Variants in EPHB1 observed in about 807,000 individuals in gnomAD.
EPHB1 encodes EPH receptor B1.
Under a neutral mutation model 94.4 loss-of-function variants are expected in EPHB1, and 30 were observed. The observed-to-expected ratio is 0.32, with a 90% CI of 0.24 to 0.43. EPHB1 has a LOEUF of 0.43. EPHB1 is among the 20% of genes least tolerant of loss of function. The pLI is 1.00. For missense variants in EPHB1, 1,055 were observed against 1,308.3 expected, an observed-to-expected ratio of 0.81 and a Z score of 2.99; for synonymous variants, 522 against 489.1, an observed-to-expected ratio of 1.07 and a Z score of -0.89.
chr3:135,025,165 C>CTTT (rs747024011), intron 3 of EPHB1, among the ~76,000 whole-genome samples: 2 of 80,716 alleles, frequency 2.5e-5, no homozygotes, highest in South Asian at 5.5e-4. Flanking sequence ...TTCCTTCTTT[C>CTTT]TTTTTTTTTT....
At chr3:135,233,896 G>A (rs1167665510) in intron 12 of EPHB1, among the ~76,000 whole-genome samples, 1 of 152,204 alleles carries the variant, frequency 6.6e-6, no homozygotes, top group Non-Finnish European at 1.5e-5. Context: ...TTTGGCCATA[G>A]CTGGAGCAGC....
rs1174515437 is a variant in EPHB1, at chr3:134,937,854, T to C, written c.123+11974T>C. 3.3e-5 allele frequency among the ~76,000 whole-genome samples: 5 copies of C among 151,234 alleles called. No individual in the cohort carries two copies. In the East Asian group the frequency reaches 7.8e-4, roughly 24 times the overall value. Reference sequence around the variant, plus strand: ...TCACATGTGTGAGGCACTGCAATAATGGCAGCTGAATACCCTGCCGCCGTT... The same window carrying C: ...TCACATGTGTGAGGCACTGCAATAACGGCAGCTGAATACCCTGCCGCCGTT... On this transcript the variant is annotated intron_variant, in intron 2 of 15. Coordinates refer to ENST00000398015, the MANE Select transcript of EPHB1 (RefSeq NM_004441.5).
intron 5 of EPHB1, among the ~76,000 whole-genome samples, chr3:135,138,461 T>G (rs935498289): frequency 6.6e-6 from 1 of 152,226 alleles, no homozygotes; most frequent in African/African-American, 2.4e-5. Flanking sequence ...GAAAAGGAAT[T>G]TTATGATATT....
At chr3:135,049,483 A>G (rs2107770408) in intron 3 of EPHB1, among the ~76,000 whole-genome samples, 1 of 152,292 alleles carries the variant, frequency 6.6e-6, no homozygotes, top group East Asian at 1.9e-4. Context: ...GAATACCTGC[A>G]CCTGTCCTCT....
chr3:134,952,680 T>C (rs1362568670), intron 3 of EPHB1, among the ~76,000 whole-genome samples: 4 of 152,160 alleles, frequency 2.6e-5, no homozygotes, highest in Non-Finnish European at 4.4e-5. Flanking sequence ...CTGTATCATG[T>C]GTTGTATTAA....
chr3:134,931,813 C>CTGTATATA (rs1375009347), intron 2 of EPHB1, among the ~76,000 whole-genome samples: 23 of 151,736 alleles, frequency 1.5e-4, no homozygotes, highest in African/African-American at 5.3e-4. Context: ...GTATATATGT[C>CTGTATATA]TGTATATATG....
At chr3:135,181,812 T>G (rs889387453) in intron 10 of EPHB1, among the ~76,000 whole-genome samples, 10 of 152,188 alleles carry the variant, frequency 6.6e-5, no homozygotes, top group African/African-American at 2.4e-4. Flanking sequence ...GCCCCATCCT[T>G]CACCTCCATT....
chr3:135,047,478 GCATCGAA>G (rs1257298608), intron 3 of EPHB1, among the ~76,000 whole-genome samples: 1 of 152,168 alleles, frequency 6.6e-6, no homozygotes, highest in African/African-American at 2.4e-5. Context: ...AATTGGAAAA[GCATCGAA>G]CTGCACAGCC....
At chr3:134,858,039 C>T (rs1470375729) in intron 1 of EPHB1, among the ~76,000 whole-genome samples, 1 of 152,108 alleles carries the variant, frequency 6.6e-6, no homozygotes, top group Non-Finnish European at 1.5e-5. Context: ...TAGCAGGCTT[C>T]CCAGAAGCCC....
intron 2 of EPHB1, among the ~76,000 whole-genome samples, chr3:134,940,139 C>T (rs1320548807): frequency 3.3e-5 from 5 of 152,136 alleles, no homozygotes; most frequent in African/African-American, 1.2e-4. Context: ...CCTTTTAGTT[C>T]CTGCATTCTG....
intron 1 of EPHB1, among the ~76,000 whole-genome samples, chr3:134,888,250 G>T (rs1036199704): frequency 2.0e-5 from 3 of 152,082 alleles, no homozygotes; most frequent in Non-Finnish European, 2.9e-5. Flanking sequence ...CATTTTACTG[G>T]AATTGAAACC....
At chr3:135,166,917 A>G (rs774370040) in intron 8 of EPHB1, 25 bp from the exon 9 acceptor site, 49 of 1,613,474 alleles carry the variant, frequency 3.0e-5, no homozygotes, top group Non-Finnish European at 4.1e-5. Context: ...CCTGTGGCTG[A>G]GAGAGCCCCT....
chr3:135,230,563 A>G (rs1943510141), intron 12 of EPHB1, among the ~76,000 whole-genome samples: 1 of 152,206 alleles, frequency 6.6e-6, no homozygotes, highest in Non-Finnish European at 1.5e-5. Context: ...TATTAGCAAG[A>G]TCTAAATTAG....
chr3:135,108,155 C>CT (rs1388400930), intron 4 of EPHB1, among the ~76,000 whole-genome samples: 3 of 152,148 alleles, frequency 2.0e-5, no homozygotes, highest in African/African-American at 7.2e-5. Flanking sequence ...ACCTGGAAGT[C>CT]TGGAGGGGCC....
At chr3:135,089,209 A>G (rs140924067) in intron 3 of EPHB1, among the ~76,000 whole-genome samples, 69 of 152,380 alleles carry the variant, frequency 4.5e-4, no homozygotes, top group African/African-American at 1.5e-3. Context: ...CCAGTAAGCT[A>G]TCAAGTCTCT....
intron 1 of EPHB1, chr3:134,852,545 G>A (rs2037010587): frequency 6.6e-6 from 1 of 152,202 alleles, no homozygotes; most frequent in Non-Finnish European, 1.5e-5. Flanking sequence ...GAATACATCA[G>A]CCTCATCGGA....
At chr3:135,145,829 G>A (rs943780586) in intron 5 of EPHB1, among the ~76,000 whole-genome samples, 4 of 152,044 alleles carry the variant, frequency 2.6e-5, no homozygotes, top group Admixed American at 2.6e-4. Flanking sequence ...TCACAACCCT[G>A]GCTCCCTTTT....
intron 3 of EPHB1, among the ~76,000 whole-genome samples, chr3:135,032,379 TA>T (rs1197471422): frequency 4.6e-5 from 7 of 152,168 alleles, no homozygotes; most frequent in Non-Finnish European, 8.8e-5. Flanking sequence ...CTAAGACATT[TA>T]TTTTCATAGC....
At chr3:135,154,129 C>G (rs369990024) in intron 5 of EPHB1, 23 bp from the exon 6 acceptor site, 21 of 1,613,580 alleles carry the variant, frequency 1.3e-5, no homozygotes, top group Non-Finnish European at 1.7e-5. Context: ...GTTCAGCTAC[C>G]CTGTTTCTTT....
Sources: gnomAD v4.1 joint callset for allele counts (sites outside exome capture counted in the v4.1 genomes callset) on GRCh38, gnomAD v4.1.1 for gene constraint, MANE v1.5 for transcripts, NCBI Gene and HGNC (gene_info 2026-07-23, HGNC 2026-07-21) for gene names.